CACNB2: variants seen among roughly 807,000 people sequenced by gnomAD.
CACNB2 encodes the protein calcium voltage-gated channel auxiliary subunit beta 2.
A neutral mutation model predicts 73.3 loss-of-function variants in CACNB2; 42 were observed. The observed-to-expected ratio is 0.57, with a 90% confidence interval of 0.45 to 0.74. CACNB2 has a LOEUF of 0.74. Among genes scored for constraint, CACNB2 ranks in the 30% least tolerant of loss-of-function variants. The pLI, the probability that CACNB2 is intolerant of heterozygous loss-of-function variation, is 0.00. For synonymous variants in CACNB2, 348 were observed against 310.3 expected (o/e 1.12, Z -1.28); for missense variants, 940 against 853.0 (o/e 1.10, Z -1.27).
intron 3 of CACNB2, among the ~76,000 whole-genome samples, chr10:18,476,378 T>A (rs976556919): frequency 6.6e-6 from 1 of 152,204 alleles, no homozygotes; most frequent in Admixed American, 6.5e-5. Context: ...AAACAAAGTA[T>A]ACTCTACATA....
chr10:18,166,370 C>T (rs918738119), intron 2 of CACNB2, among the ~76,000 whole-genome samples: 9 of 152,082 alleles, frequency 5.9e-5, no homozygotes, highest in Non-Finnish European at 1.0e-4. Flanking sequence ...ACTTTCATGC[C>T]TCAGCCTCCC....
chr10:18,256,831 A>G (rs961064213), intron 2 of CACNB2: 2 of 152,214 alleles, frequency 1.3e-5, no homozygotes, highest in African/African-American at 2.4e-5. Flanking sequence ...AGTCCCAACT[A>G]CTACTTGGGA....
chr10:18,538,016 G>C (rs545015918), intron 12 of CACNB2, among the ~76,000 whole-genome samples, 164 bp from the exon 13 acceptor site: 1 of 152,244 alleles, frequency 6.6e-6, no homozygotes, highest in African/African-American at 2.4e-5. Context: ...GAGGTAGTCA[G>C]ACACTTCCTA....
At chr10:18,506,759 C>G (rs1393068925) in intron 6 of CACNB2, among the ~76,000 whole-genome samples, 1 of 152,110 alleles carries the variant, frequency 6.6e-6, no homozygotes, top group Non-Finnish European at 1.5e-5. Flanking sequence ...AAAGTGTTTA[C>G]ATTGCTGTAG....
chr10:18,392,184 G>A (rs894014113), intron 2 of CACNB2, among the ~76,000 whole-genome samples: 1 of 152,110 alleles, frequency 6.6e-6, no homozygotes, highest in Non-Finnish European at 1.5e-5. Context: ...GCCGAAAGAA[G>A]GGAGAGCGAG....
At chr10:18,205,600 A>G (rs778979006) in intron 2 of CACNB2, among the ~76,000 whole-genome samples, 5 of 152,190 alleles carry the variant, frequency 3.3e-5, no homozygotes, top group Non-Finnish European at 7.3e-5. Flanking sequence ...TAAACAACAA[A>G]ATTCTATGCA....
At chr10:18,437,615 C>A (rs1247207376) in intron 3 of CACNB2, among the ~76,000 whole-genome samples, 1 of 152,138 alleles carries the variant, frequency 6.6e-6, no homozygotes, top group Non-Finnish European at 1.5e-5. Context: ...GCCAATCTAA[C>A]TGCAAGGAAG....
intron 3 of CACNB2, among the ~76,000 whole-genome samples, chr10:18,439,423 G>A (rs147496031): frequency 4.6e-5 from 7 of 152,258 alleles, no homozygotes; most frequent in African/African-American, 1.7e-4. Context: ...TGAGGGGAAG[G>A]CAGAGAATTT....
At chr10:18,313,471 A>G (rs2040038163) in intron 2 of CACNB2, among the ~76,000 whole-genome samples, 1 of 151,676 alleles carries the variant, frequency 6.6e-6, no homozygotes, top group Admixed American at 6.6e-5. Context: ...CCATTTTATA[A>G]CCATGCCAAT....
intron 2 of CACNB2, among the ~76,000 whole-genome samples, chr10:18,347,344 A>ATTTTTTTTT (rs201654242): frequency 9.1e-5 from 11 of 120,818 alleles, no homozygotes; most frequent in Admixed American, 1.8e-4. Flanking sequence ...TGCCCGTCTA[A>ATTTTTTTTT]TTTTTTTTTT....
rs368326246 is a variant in CACNB2 at position 18,484,036 on chromosome 10, G to T, written c.334-14319G>T. On this transcript the variant is annotated intron_variant, in intron 3 of 13. Coordinates refer to ENST00000324631, the MANE Select transcript of CACNB2 (RefSeq NM_201596.3). ...AGACTCTTCAAAAAATGATGTCACTGGTGTCTAGCAAGATTGCCTTATATC... is the reference window on the plus strand; with the variant it reads ...AGACTCTTCAAAAAATGATGTCACTTGTGTCTAGCAAGATTGCCTTATATC... Among the ~76,000 whole-genome samples the T allele has an allele frequency of 1.1e-4, 17 of 152,272 alleles. No homozygotes were observed. In the East Asian group the frequency reaches 2.3e-3, roughly 21 times the overall value.
chr10:18,449,544 A>G (rs896662078), intron 3 of CACNB2, among the ~76,000 whole-genome samples: 1 of 152,238 alleles, frequency 6.6e-6, no homozygotes, highest in Admixed American at 6.5e-5. Context: ...AGATACTTAC[A>G]TCGTGCTCTG....
intron 2 of CACNB2, among the ~76,000 whole-genome samples, chr10:18,287,730 G>T (rs2038866859): frequency 6.6e-6 from 1 of 152,118 alleles, no homozygotes; most frequent in African/African-American, 2.4e-5. Context: ...ACGCCCTGTA[G>T]TCTCAGCTAC....
chr10:18,358,249 G>A (rs1039753248), intron 2 of CACNB2, among the ~76,000 whole-genome samples: 2 of 152,082 alleles, frequency 1.3e-5, no homozygotes, highest in Non-Finnish European at 2.9e-5. Context: ...ACCACGCCTG[G>A]CTATTTTTTT....
chr10:18,218,975 G>A (rs969020997), intron 2 of CACNB2, among the ~76,000 whole-genome samples: 1 of 152,170 alleles, frequency 6.6e-6, no homozygotes, highest in Non-Finnish European at 1.5e-5. Context: ...ACCGGCCTGG[G>A]CAACATGGAG....
chr10:18,289,891 C>T (rs1398290152), intron 2 of CACNB2, among the ~76,000 whole-genome samples: 2 of 151,808 alleles, frequency 1.3e-5, no homozygotes, highest in Non-Finnish European at 2.9e-5. Context: ...AATTCTTAGA[C>T]ACATAAGGGC....
chr10:18,251,140 A>G (rs1353435253), intron 2 of CACNB2, among the ~76,000 whole-genome samples: 1 of 152,262 alleles, frequency 6.6e-6, no homozygotes, highest in Non-Finnish European at 1.5e-5. Context: ...TTCAGTGTCT[A>G]AAACTCCGGT....
chr10:18,189,158 C>A (rs2034286390), intron 2 of CACNB2, among the ~76,000 whole-genome samples: 2 of 152,010 alleles, frequency 1.3e-5, no homozygotes, highest in Non-Finnish European at 2.9e-5. Context: ...AAAAAAATTC[C>A]TCAAAGTAGT....
At chr10:18,532,692 A>AAC (rs1554840384) in intron 10 of CACNB2, among the ~76,000 whole-genome samples, 5 of 87,518 alleles carry the variant, frequency 5.7e-5, no homozygotes, top group East Asian at 5.1e-4. Flanking sequence ...AAAAAAAAAA[A>AAC]AAAACAAAAC....
Sources: gnomAD v4.1 joint callset for allele counts (sites outside exome capture counted in the v4.1 genomes callset) on GRCh38, gnomAD v4.1.1 for gene constraint, MANE v1.5 for transcripts, NCBI Gene and HGNC (gene_info 2026-07-23, HGNC 2026-07-21) for gene names.